CNTNAP2: variants seen among roughly 807,000 people sequenced by gnomAD.
The protein encoded by CNTNAP2 is contactin associated protein 2, also known as contactin-associated protein-like 2.
Under a neutral mutation model 155.2 loss-of-function variants are expected in CNTNAP2, and 98 were observed. The observed-to-expected ratio is 0.63, with a 90% CI of 0.54 to 0.75. The LOEUF is 0.75. Ranked by LOEUF, CNTNAP2 falls within the 30% of genes least tolerant of loss-of-function variation. CNTNAP2 has a pLI of 0.00. For missense variants in CNTNAP2, 1,727 were observed against 1,688.1 expected (o/e 1.02, Z -0.40); for synonymous variants, 651 against 631.2 (o/e 1.03, Z -0.47).
rs1799686698 is a variant in CNTNAP2 at position 147,544,098 on chromosome 7, C to G, written c.1778-18040C>G. ...AAGAAAATACAGAAGACTACATGTACAAATGAGGCTTTGAGGTAACCTATT... is the reference window on the plus strand; with the variant it reads ...AAGAAAATACAGAAGACTACATGTAGAAATGAGGCTTTGAGGTAACCTATT... On this transcript the variant is annotated intron_variant, in intron 11 of 23. Transcript: ENST00000361727. Among the ~76,000 whole-genome samples the G allele has an allele frequency of 2.6e-5, 4 of 152,036 alleles. No individual in the cohort carries two copies. In the South Asian group the frequency reaches 8.3e-4, roughly 31 times the overall value.
chr7:147,667,939 GGAA>G (rs1233201182), intron 13 of CNTNAP2, among the ~76,000 whole-genome samples: 1 of 152,168 alleles, frequency 6.6e-6, no homozygotes, highest in African/African-American at 2.4e-5. Flanking sequence ...AATGGCAGCT[GGAA>G]GAAGATACTC....
At chr7:147,805,286 A>G (rs1354715589) in intron 13 of CNTNAP2, among the ~76,000 whole-genome samples, 1 of 152,164 alleles carries the variant, frequency 6.6e-6, no homozygotes, top group East Asian at 1.9e-4. Flanking sequence ...GTGAGCCACA[A>G]TGCCAAGCCC....
chr7:147,051,922 C>T (rs1375861316), intron 4 of CNTNAP2, among the ~76,000 whole-genome samples: 1 of 152,006 alleles, frequency 6.6e-6, no homozygotes, highest in Admixed American at 6.6e-5. Context: ...TAATTTCTGC[C>T]CACCCACTGA....
intron 8 of CNTNAP2, among the ~76,000 whole-genome samples, chr7:147,193,969 A>T (rs561328483): frequency 2.9e-3 from 447 of 151,954 alleles, no homozygotes; most frequent in Non-Finnish European, 4.9e-3. Context: ...TTTTCTTCTA[A>T]AAAAAAGTGG....
chr7:146,225,515 G>C (rs1006134645), intron 1 of CNTNAP2, among the ~76,000 whole-genome samples: 4 of 152,290 alleles, frequency 2.6e-5, no homozygotes, highest in East Asian at 3.9e-4. Flanking sequence ...ATGAGACTCA[G>C]CATTCAACTT....
intron 13 of CNTNAP2, among the ~76,000 whole-genome samples, chr7:147,886,468 T>A (rs755289886): frequency 1.5e-5 from 1 of 68,704 alleles, no homozygotes. Flanking sequence ...AGAGGGAAAC[T>A]CCATCTCAAA....
intron 1 of CNTNAP2, among the ~76,000 whole-genome samples, chr7:146,434,445 C>T (rs1032532275): frequency 6.6e-6 from 1 of 152,172 alleles, no homozygotes; most frequent in African/African-American, 2.4e-5. Context: ...AACTTTCAAG[C>T]ATGGATTAAA....
chr7:147,044,417 T>C (rs1799319491), intron 4 of CNTNAP2, among the ~76,000 whole-genome samples: 1 of 152,176 alleles, frequency 6.6e-6, no homozygotes, highest in Non-Finnish European at 1.5e-5. Context: ...TTGTTATCTA[T>C]GTATTTGGGT....
At chr7:148,028,501 G>T (rs1021351923) in intron 15 of CNTNAP2, among the ~76,000 whole-genome samples, 4 of 152,144 alleles carry the variant, frequency 2.6e-5, no homozygotes, top group Non-Finnish European at 5.9e-5. Flanking sequence ...ACTTGAGTCC[G>T]GGAGGTCAAG....
chr7:146,182,010 G>A (rs1221604245), intron 1 of CNTNAP2, among the ~76,000 whole-genome samples: 1 of 152,020 alleles, frequency 6.6e-6, no homozygotes. Flanking sequence ...ATATTTTAAT[G>A]TCCAGGTTAT....
chr7:148,316,826 A>G (rs1224714839), intron 21 of CNTNAP2, among the ~76,000 whole-genome samples: 1 of 152,250 alleles, frequency 6.6e-6, no homozygotes, highest in African/African-American at 2.4e-5. Context: ...ACCAGTGTAT[A>G]TATTATTAAA....
intron 11 of CNTNAP2, among the ~76,000 whole-genome samples, chr7:147,531,290 C>T (rs1281658103): frequency 1.3e-5 from 2 of 152,212 alleles, no homozygotes; most frequent in African/African-American, 4.8e-5. Flanking sequence ...AGTTAGGACT[C>T]TGTGTGGGGA....
intron 1 of CNTNAP2, among the ~76,000 whole-genome samples, chr7:146,518,653 A>C (rs1421856561): frequency 2.6e-5 from 4 of 151,866 alleles, no homozygotes; most frequent in Non-Finnish European, 5.9e-5. Context: ...CATTTTGATC[A>C]TGAGTAGGAG....
At chr7:146,213,638 A>G (rs746867693) in intron 1 of CNTNAP2, among the ~76,000 whole-genome samples, 2 of 152,160 alleles carry the variant, frequency 1.3e-5, no homozygotes, top group Non-Finnish European at 2.9e-5. Flanking sequence ...GAAAGTTGTG[A>G]GTTAAAAGAT....
chr7:148,383,188 CTT>C (rs34329815), intron 21 of CNTNAP2, among the ~76,000 whole-genome samples: 60 of 138,970 alleles, frequency 4.3e-4, no homozygotes, highest in African/African-American at 1.1e-3. Flanking sequence ...AATTCTTGTT[CTT>C]TTTTTTTTTT....
intron 14 of CNTNAP2, among the ~76,000 whole-genome samples, chr7:147,973,861 C>A (rs1204571221): frequency 6.6e-6 from 1 of 152,146 alleles, no homozygotes; most frequent in Non-Finnish European, 1.5e-5. Context: ...CTCTGATTCT[C>A]ATTCTTCTCA....
intron 14 of CNTNAP2, among the ~76,000 whole-genome samples, chr7:147,937,097 G>A (rs970190650): frequency 6.6e-6 from 1 of 151,890 alleles, no homozygotes; most frequent in Non-Finnish European, 1.5e-5. Flanking sequence ...GGTGCTCCGG[G>A]ACTTTATTTT....
Position 147,897,586 on chromosome 7 carries a change from G to A in CNTNAP2, c.2099-5979G>A, listed in dbSNP as rs1053078895. ...TTGGTAATGTTTCTATATTTTCAGGGTCAGGCTGTGGCCTGCCCAGCCTCA... is the reference window on the plus strand; with the variant it reads ...TTGGTAATGTTTCTATATTTTCAGGATCAGGCTGTGGCCTGCCCAGCCTCA... On this transcript the variant is annotated intron_variant, in intron 13 of 23. Transcript: ENST00000361727. Among the ~76,000 whole-genome samples, 6 of 152,146 alleles carry A rather than the reference G, an allele frequency of 3.9e-5. No homozygotes were observed. The East Asian group carries it at 7.7e-4, about 20-fold the overall frequency.
chr7:147,574,357 G>T (rs547376815), intron 12 of CNTNAP2, among the ~76,000 whole-genome samples: 2 of 152,120 alleles, frequency 1.3e-5, no homozygotes, highest in South Asian at 4.1e-4. Context: ...TATTACGAGT[G>T]GGAGGGTCTT....
Sources: allele counts gnomAD v4.1 joint callset (sites outside exome capture counted in the v4.1 genomes callset), GRCh38; gene constraint gnomAD v4.1.1; transcripts MANE v1.5; gene names NCBI Gene and HGNC (gene_info 2026-07-23, HGNC 2026-07-21).